The following ZBTB8A variants were observed in gnomAD, a reference collection of about 807,000 sequenced individuals.
ZBTB8A encodes zinc finger and BTB domain-containing protein 8A.
ZBTB8A carries 19 observed loss-of-function variants against 37.8 expected under a neutral mutation model. That is an observed-to-expected ratio of 0.50 (90% confidence interval 0.35 to 0.74). ZBTB8A has a LOEUF of 0.74. ZBTB8A is among the 30% of genes least tolerant of loss of function. The pLI is 0.01. For synonymous variants in ZBTB8A, 181 were observed against 185.2 expected (o/e 0.98, Z 0.19); for missense variants, 394 against 537.8 (o/e 0.73, Z 2.65).
chr1:32,578,025 T>G lies in ZBTB8A; in HGVS notation c.-1-14906T>G, dbSNP rs984581415. Among the ~76,000 whole-genome samples, 4 of 151,952 alleles carry G rather than the reference T, an allele frequency of 2.6e-5. No individual in the cohort carries two copies. In the Admixed American group the frequency reaches 2.6e-4, roughly 10 times the overall value. ...TTCAAGTGATTCTCCTGCCTCAGCC[T>G]CCCCAGCAGCTGGGATTACAGGTGC... is the stretch of plus-strand genomic sequence containing the variant. On this transcript the variant is annotated intron_variant, in intron 2 of 4. Transcript: ENST00000373510.
chr1:32,573,738 CT>C (rs753573244), intron 2 of ZBTB8A, among the ~76,000 whole-genome samples: 3,256 of 94,982 alleles, frequency 0.034, 55 homozygotes, highest in African/African-American at 0.053. Context: ...CCAGCTAAAA[CT>C]TTTTTTTTTT....
At chr1:32,599,428 T>C (rs1644557834) in intron 4 of ZBTB8A, among the ~76,000 whole-genome samples, 2 of 151,734 alleles carry the variant, frequency 1.3e-5, no homozygotes, top group Non-Finnish European at 2.9e-5. Context: ...ATTTTAAAAA[T>C]AAAAAGTATG....
chr1:32,566,430 T>TGGGA (rs1644279938), intron 2 of ZBTB8A, among the ~76,000 whole-genome samples: 1 of 150,942 alleles, frequency 6.6e-6, no homozygotes, highest in South Asian at 2.1e-4. Flanking sequence ...GAGGCTAAGG[T>TGGGA]GGGAGGGTCA....
chr1:32,593,859 C>T, intron 3 of ZBTB8A, 105 bp downstream of exon 3: 1 of 881,670 alleles, frequency 1.1e-6, no homozygotes, highest in South Asian at 1.8e-5. Flanking sequence ...GCAGTTGAAG[C>T]AAGTGATTTT....
chr1:32,553,050 G>GTTAAAA, intron 1 of ZBTB8A, among the ~76,000 whole-genome samples: 1 of 151,164 alleles, frequency 6.6e-6, no homozygotes, highest in Middle Eastern at 3.5e-3. Flanking sequence ...GTATCTGACA[G>GTTAAAA]AGGCTCTTAT....
rs1277569285 is a variant in ZBTB8A, at chr1:32,539,646, C to A, written c.-84+74C>A. The A allele has an allele frequency of 4.8e-5, 7 of 146,430 alleles. No individual in the cohort carries two copies. In the East Asian group the frequency reaches 1.4e-3, roughly 29 times the overall value. The allele number at this position is 146,430 out of a possible 1,614,324, so 9.1% of individuals were successfully genotyped here. A position where few individuals can be genotyped will look rare whatever the true frequency, so the allele number is the denominator to read the frequency against. On this transcript the variant is annotated intron_variant, in intron 1 of 4. Transcript: ENST00000373510. The stretch of plus-strand genomic sequence containing the variant: ...TGCCCGGGACCCGCCGCGAGCCTGG[C>A]CGCGGGCTCTGACGGCCCGGGCGGC...
chr1:32,558,853 G>A (rs6678025), intron 2 of ZBTB8A, among the ~76,000 whole-genome samples: 17,482 of 152,078 alleles, frequency 0.11, 1,114 homozygotes, highest in African/African-American at 0.19. Context: ...TTATAACAGC[G>A]GTTCATATAT....
At chr1:32,542,519 A>G (rs926476063) in intron 1 of ZBTB8A, among the ~76,000 whole-genome samples, 2 of 152,202 alleles carry the variant, frequency 1.3e-5, no homozygotes, top group African/African-American at 2.4e-5. Flanking sequence ...GGTTGCAGTA[A>G]ACCGAGATTG....
At chr1:32,556,409 C>T (rs1349782976) in intron 2 of ZBTB8A, among the ~76,000 whole-genome samples, 1 of 151,992 alleles carries the variant, frequency 6.6e-6, no homozygotes, top group Admixed American at 6.6e-5. Flanking sequence ...GCTCTGTTGC[C>T]CAGGCTGACG....
At chr1:32,573,285 A>G (rs933649874) in intron 2 of ZBTB8A, among the ~76,000 whole-genome samples, 2 of 148,708 alleles carry the variant, frequency 1.3e-5, no homozygotes, top group Non-Finnish European at 3.0e-5. Flanking sequence ...CACGTTGGTC[A>G]GGCTGGTCTC....
chr1:32,543,937 A>G (rs1644080254), intron 1 of ZBTB8A, among the ~76,000 whole-genome samples: 1 of 152,084 alleles, frequency 6.6e-6, no homozygotes. Flanking sequence ...CGGCCTCCCA[A>G]GGTGCTGGGA....
chr1:32,595,304 T>C, intron 4 of ZBTB8A, 81 bp downstream of exon 4: 1 of 1,425,940 alleles, frequency 7.0e-7, no homozygotes, highest in South Asian at 1.2e-5. Context: ...GTTTCACTCT[T>C]GTTGCCAGGC....
At chr1:32,544,389 GTATCTAAACA>G (rs1644084609) in intron 1 of ZBTB8A, among the ~76,000 whole-genome samples, 1 of 152,216 alleles carries the variant, frequency 6.6e-6, no homozygotes, top group African/African-American at 2.4e-5. Context: ...AAGTATTTGT[GTATCTAAACA>G]TATCTAAACA....
chr1:32,596,031 G>A (rs1291520575), intron 4 of ZBTB8A, among the ~76,000 whole-genome samples: 3 of 152,000 alleles, frequency 2.0e-5, no homozygotes, highest in East Asian at 1.9e-4. Context: ...CCAGCACTTC[G>A]GGAGGCCAAG....
intron 1 of ZBTB8A, among the ~76,000 whole-genome samples, chr1:32,551,766 T>A (rs773461067): frequency 1.3e-5 from 2 of 152,154 alleles, no homozygotes; most frequent in Non-Finnish European, 2.9e-5. Flanking sequence ...TAGAGATAGG[T>A]CTCACTATGT....
intron 2 of ZBTB8A, among the ~76,000 whole-genome samples, chr1:32,573,969 G>A (rs958669113): frequency 4.9e-4 from 75 of 151,724 alleles, no homozygotes; most frequent in African/African-American, 1.8e-3. Context: ...CCAGCTATTC[G>A]GGAGGCTGAG....
chr1:32,593,866 T>C, intron 3 of ZBTB8A, 112 bp downstream of exon 3: 13 of 836,960 alleles, frequency 1.6e-5, no homozygotes, highest in Non-Finnish European at 2.4e-5. Context: ...AAGCAAGTGA[T>C]TTTTTTCAAA....
At chr1:32,570,584 C>A (rs1644316174) in intron 2 of ZBTB8A, among the ~76,000 whole-genome samples, 1 of 152,134 alleles carries the variant, frequency 6.6e-6, no homozygotes. Context: ...ATATTTCTCT[C>A]AAGTATTTTG....
intron 4 of ZBTB8A, among the ~76,000 whole-genome samples, 183 bp downstream of exon 4, chr1:32,595,406 A>G (rs1254844612): frequency 6.6e-6 from 1 of 151,294 alleles, no homozygotes. Context: ...TAGTTGGGAT[A>G]CAGGTGTGTG....
Sources: allele counts gnomAD v4.1 joint callset (sites outside exome capture counted in the v4.1 genomes callset), GRCh38; gene constraint gnomAD v4.1.1; transcripts MANE v1.5; gene names NCBI Gene and HGNC (gene_info 2026-07-23, HGNC 2026-07-21).